RNF220: variants seen among roughly 807,000 people sequenced by gnomAD.
The protein encoded by RNF220 is E3 ubiquitin-protein ligase RNF220.
A neutral mutation model predicts 67.1 loss-of-function variants in RNF220; 7 were observed. The ratio of observed to expected loss-of-function variants is 0.10; its 90% CI spans 0.06 to 0.20. The LOEUF (loss-of-function observed/expected upper bound fraction) is 0.20, where lower values mean the gene tolerates loss of function less well. Ranked by LOEUF, RNF220 falls within the 10% of genes least tolerant of loss-of-function variation. The pLI is 1.00. For missense variants in RNF220, 565 were observed against 740.3 expected (o/e 0.76, Z 2.75); for synonymous variants, 270 against 283.2 (o/e 0.95, Z 0.47).
At chr1:44,586,766 G>A (rs1303615041) in intron 2 of RNF220, among the ~76,000 whole-genome samples, 1 of 152,180 alleles carries the variant, frequency 6.6e-6, no homozygotes, top group Non-Finnish European at 1.5e-5. Flanking sequence ...TATCGCAAGG[G>A]CAAGGTCCCT....
chr1:44,421,989 C>T (rs936637441), intron 2 of RNF220, among the ~76,000 whole-genome samples: 13 of 152,178 alleles, frequency 8.5e-5, no homozygotes, highest in African/African-American at 2.9e-4. Context: ...TTCATGGCTC[C>T]ATTTAAAGGA....
intron 2 of RNF220, among the ~76,000 whole-genome samples, chr1:44,594,463 G>A (rs1351315857): frequency 1.3e-5 from 2 of 152,210 alleles, no homozygotes; most frequent in Admixed American, 1.3e-4. Flanking sequence ...AACAGAAATG[G>A]CCTTGCAGGG....
chr1:44,405,433 C>A lies in RNF220; in HGVS notation c.-215C>A. 1.6e-6 allele frequency: 1 copy of A among 627,594 alleles called. No individual in the cohort carries two copies. The highest frequency in any genetic ancestry group is 2.9e-6 in the Non-Finnish European group (1 of 347,452). 38.9% of individuals were successfully genotyped at this position (627,594 alleles called of 1,614,324 possible). Reference sequence around the variant, plus strand: ...CCGCCGCCGCCGCTGCCTCCGCCGGCTCTGCGAACCCGGGACTTTTCATGC... The same window carrying A: ...CCGCCGCCGCCGCTGCCTCCGCCGGATCTGCGAACCCGGGACTTTTCATGC... On this transcript the variant is annotated 5_prime_UTR_variant, in exon 1 of 15. Coordinates refer to ENST00000361799, the MANE Select transcript of RNF220 (RefSeq NM_018150.4).
intron 2 of RNF220, among the ~76,000 whole-genome samples, chr1:44,561,045 A>G (rs12077259): frequency 0.1 from 15,258 of 152,210 alleles, 2,217 homozygotes; most frequent in African/African-American, 0.32. Context: ...GACTCCTGGG[A>G]ATGGAGAAAT....
Position 44,570,945 on chromosome 1 carries a change from G to A in RNF220, c.626-43220G>A, listed in dbSNP as rs202160494. Among the ~76,000 whole-genome samples, 19 of 152,024 alleles carry A rather than the reference G, an allele frequency of 1.2e-4. No homozygotes were observed. The East Asian group carries it at 2.9e-3, about 23-fold the overall frequency. On this transcript the variant is annotated intron_variant, in intron 2 of 14. Transcript: ENST00000361799. Reference sequence around the variant, plus strand: ...AAAAATTAGCTGGGCATGGTGGTGCGCACGTGTAATCCTAGCTACTCAGGA... The same window carrying A: ...AAAAATTAGCTGGGCATGGTGGTGCACACGTGTAATCCTAGCTACTCAGGA...
chr1:44,581,837 T>C (rs1432858455), intron 2 of RNF220, among the ~76,000 whole-genome samples: 1 of 152,192 alleles, frequency 6.6e-6, no homozygotes, highest in African/African-American at 2.4e-5. Flanking sequence ...TGCTCCATTC[T>C]TGTGTTCCTT....
intron 2 of RNF220, among the ~76,000 whole-genome samples, chr1:44,548,285 A>G (rs770467537): frequency 6.6e-6 from 1 of 151,940 alleles, no homozygotes; most frequent in Non-Finnish European, 1.5e-5. Context: ...CATCCTCCCC[A>G]CTGCTGCTCA....
intron 2 of RNF220, among the ~76,000 whole-genome samples, chr1:44,553,320 A>G (rs1201484080): frequency 6.6e-6 from 1 of 152,154 alleles, no homozygotes; most frequent in African/African-American, 2.4e-5. Flanking sequence ...CATGGTGACT[A>G]GCATAGTATC....
At chr1:44,492,713 G>A (rs1227532788) in intron 2 of RNF220, among the ~76,000 whole-genome samples, 1 of 152,122 alleles carries the variant, frequency 6.6e-6, no homozygotes, top group Non-Finnish European at 1.5e-5. Flanking sequence ...TTCAGAACAG[G>A]CAAATTTATA....
chr1:44,514,611 T>C (rs1659308937), intron 2 of RNF220, among the ~76,000 whole-genome samples: 1 of 152,246 alleles, frequency 6.6e-6, no homozygotes. Flanking sequence ...TGCTGCTCCC[T>C]GTTTTACTTG....
At position 44,606,775 on chromosome 1, in the gene RNF220, A is replaced by G. The variant is rs546144319; in HGVS notation, c.626-7390A>G. Among the ~76,000 whole-genome samples, 14 of 152,260 alleles carry G rather than the reference A, an allele frequency of 9.2e-5. No individual in the cohort carries two copies. The highest frequency in any genetic ancestry group is 2.9e-4 in the African/African-American group (12 of 41,534). ...TCATTTATTTATTCAATAAATATTT[A>G]TTGAGCATTTACCACATGCCAGACA... On this transcript the variant is annotated intron_variant, in intron 2 of 14. Coordinates refer to ENST00000361799, the MANE Select transcript of RNF220 (RefSeq NM_018150.4). The surrounding 1 kb of genome is among the most constrained non-coding windows in gnomAD (Gnocchi z 4.2).
chr1:44,421,393 G>A (rs567685304), intron 2 of RNF220, among the ~76,000 whole-genome samples: 5 of 152,010 alleles, frequency 3.3e-5, no homozygotes, highest in African/African-American at 4.8e-5. Flanking sequence ...ACAATCCCTG[G>A]GTTTCTCGTG....
At chr1:44,428,737 A>G (rs1277859556) in intron 2 of RNF220, among the ~76,000 whole-genome samples, 1 of 152,082 alleles carries the variant, frequency 6.6e-6, no homozygotes. Flanking sequence ...GCAGCATTCT[A>G]ACTTCTAAGA....
At chr1:44,537,940 C>T (rs12033316) in intron 2 of RNF220, among the ~76,000 whole-genome samples, 1,563 of 152,318 alleles carry the variant, frequency 0.01, 61 homozygotes, top group East Asian at 0.086. Flanking sequence ...CTTCTCAAGG[C>T]GTAGCTTCTC....
At chr1:44,614,091 C>T (rs550579897) in intron 2 of RNF220, 74 bp from the exon 3 acceptor site, 1 of 1,588,748 alleles carries the variant, frequency 6.3e-7, no homozygotes, top group African/African-American at 1.3e-5. Context: ...GCTTGGGTTT[C>T]AGGACTGGGA....
Position 44,632,400 on chromosome 1 carries a change from G to A in RNF220, c.949+15G>A, listed in dbSNP as rs781566061. On this transcript the variant is annotated intron_variant, in intron 6 of 14. Transcript: ENST00000361799. ...CCGACTGAATGGTGAGTCCTGCCCG[G>A]CCCCTCCCTCCGCCCCACCCCCGGC... 6.2e-7 allele frequency: 1 copy of A among 1,607,450 alleles called. No individual in the cohort carries two copies. The highest frequency in any genetic ancestry group is 8.5e-7 in the Non-Finnish European group (1 of 1,177,490).
intron 2 of RNF220, among the ~76,000 whole-genome samples, chr1:44,464,897 A>G (rs1654130778): frequency 6.6e-6 from 1 of 152,172 alleles, no homozygotes; most frequent in Non-Finnish European, 1.5e-5. Context: ...TATTATCCGT[A>G]TCTCATCAGC....
intron 2 of RNF220, among the ~76,000 whole-genome samples, chr1:44,464,377 G>C (rs1358723428): frequency 6.6e-6 from 1 of 152,210 alleles, no homozygotes; most frequent in Non-Finnish European, 1.5e-5. Flanking sequence ...AAGCCCAAGA[G>C]ACCAAGGCAA....
intron 2 of RNF220, among the ~76,000 whole-genome samples, chr1:44,512,458 G>T (rs932132296): frequency 1.3e-5 from 2 of 152,194 alleles, no homozygotes; most frequent in Non-Finnish European, 2.9e-5. Flanking sequence ...GGACCTAGAA[G>T]GGAGGTGACA....
Sources: allele counts gnomAD v4.1 joint callset (sites outside exome capture counted in the v4.1 genomes callset), GRCh38; gene constraint gnomAD v4.1.1; non-coding constraint Gnocchi (gnomAD v3.1); transcripts MANE v1.5; gene names NCBI Gene and HGNC (gene_info 2026-07-23, HGNC 2026-07-21).